Variants in PELI2 observed in about 807,000 individuals in gnomAD.
The protein encoded by PELI2 is E3 ubiquitin-protein ligase pellino homolog 2.
A neutral mutation model predicts 42.3 loss-of-function variants in PELI2; 23 were observed. The observed-to-expected ratio is 0.54, with a 90% CI of 0.39 to 0.77. The LOEUF (loss-of-function observed/expected upper bound fraction) is 0.77, where lower values mean the gene tolerates loss of function less well. Among genes scored for constraint, PELI2 ranks in the 30% least tolerant of loss-of-function variants. The pLI, the probability that PELI2 is intolerant of heterozygous loss-of-function variation, is 0.00. For synonymous variants in PELI2, 245 were observed against 212.2 expected (o/e 1.15, Z -1.34); for missense variants, 463 against 553.2 (o/e 0.84, Z 1.64).
chr14:56,191,574 A>C (rs1885949434), intron 2 of PELI2, among the ~76,000 whole-genome samples: 1 of 152,188 alleles, frequency 6.6e-6, no homozygotes, highest in Admixed American at 6.5e-5. Flanking sequence ...GTCTGCAGCC[A>C]GCTGCTGGAA....
In PELI2 at chr14:56,273,586, G is replaced by A. The variant is rs918008999; in HGVS notation, c.208-6090G>A. ...GAGAAAAAGTGAAATGTTACACATTGTTTTGCATTTGATTTTTGCCTTAAT... is the reference window on the plus strand; with the variant it reads ...GAGAAAAAGTGAAATGTTACACATTATTTTGCATTTGATTTTTGCCTTAAT... On this transcript the variant is annotated intron_variant, in intron 2 of 5. Coordinates refer to ENST00000267460, the MANE Select transcript of PELI2 (RefSeq NM_021255.3). This position sits in a 1 kb window ranked among gnomAD's most constrained non-coding sequence, Gnocchi z 4.3. Among the ~76,000 whole-genome samples the A allele has an allele frequency of 4.6e-5, 7 of 152,188 alleles. No homozygotes were observed. Among genetic ancestry groups the A allele is most frequent in the South Asian group, 2.1e-4 (1 of 4,834 alleles).
chr14:56,169,559 G>C (rs1441365618), intron 1 of PELI2, among the ~76,000 whole-genome samples: 1 of 152,210 alleles, frequency 6.6e-6, no homozygotes, highest in Non-Finnish European at 1.5e-5. Context: ...GCTGCTGCGT[G>C]GGGTGTGGAA....
intron 1 of PELI2, among the ~76,000 whole-genome samples, chr14:56,149,152 T>C (rs1884243087): frequency 6.6e-6 from 1 of 152,228 alleles, no homozygotes; most frequent in Non-Finnish European, 1.5e-5. Context: ...TTAGTATGTA[T>C]GGATCCTTCT....
intron 2 of PELI2, among the ~76,000 whole-genome samples, chr14:56,193,367 A>G (rs1886018784): frequency 6.6e-6 from 1 of 152,166 alleles, no homozygotes; most frequent in Non-Finnish European, 1.5e-5. Context: ...CTGATTTGAC[A>G]AGAATTTATT....
chr14:56,291,194 A>T (rs1477292099), intron 5 of PELI2, among the ~76,000 whole-genome samples: 1 of 152,242 alleles, frequency 6.6e-6, no homozygotes, highest in Non-Finnish European at 1.5e-5. Flanking sequence ...TTTGCTAGGT[A>T]GAAGCTAGAA....
intron 2 of PELI2, among the ~76,000 whole-genome samples, chr14:56,254,786 A>G (rs1017923347): frequency 4.7e-4 from 71 of 152,326 alleles, no homozygotes; most frequent in African/African-American, 1.7e-3. Context: ...AACTTAAACA[A>G]ATTTACAAGA....
intron 2 of PELI2, among the ~76,000 whole-genome samples, chr14:56,240,568 T>C (rs573623365): frequency 6.6e-6 from 1 of 152,258 alleles, no homozygotes; most frequent in South Asian, 2.1e-4. Context: ...GACTACTCTT[T>C]CAAGGAGTTT....
intron 2 of PELI2, among the ~76,000 whole-genome samples, chr14:56,266,440 G>A (rs1007799388): frequency 2.6e-5 from 4 of 151,688 alleles, no homozygotes; most frequent in Admixed American, 6.6e-5. Flanking sequence ...TTGAGCAAAG[G>A]GTATAAGCTG....
chr14:56,244,800 T>C (rs558242398), intron 2 of PELI2, among the ~76,000 whole-genome samples: 4 of 152,366 alleles, frequency 2.6e-5, no homozygotes, highest in African/African-American at 7.2e-5. Context: ...GGTCTTGATA[T>C]GAGTAAAGAC....
intron 2 of PELI2, among the ~76,000 whole-genome samples, chr14:56,231,981 C>A (rs1260799219): frequency 6.6e-6 from 1 of 152,202 alleles, no homozygotes; most frequent in African/African-American, 2.4e-5. Context: ...CTGTAAACAC[C>A]TCTATGCAAA....
At chr14:56,203,676 G>A (rs1886417839) in intron 2 of PELI2, among the ~76,000 whole-genome samples, 1 of 152,204 alleles carries the variant, frequency 6.6e-6, no homozygotes. Context: ...TTGAGTACCT[G>A]CTAAGTCTGC....
chr14:56,262,117 A>G (rs569610551), intron 2 of PELI2, among the ~76,000 whole-genome samples: 1 of 152,368 alleles, frequency 6.6e-6, no homozygotes, highest in South Asian at 2.1e-4. Context: ...TACTAGAAGC[A>G]GGGCAAGTGT....
chr14:56,183,118 A>T (rs374964026), intron 2 of PELI2, among the ~76,000 whole-genome samples: 4 of 152,312 alleles, frequency 2.6e-5, no homozygotes, highest in African/African-American at 9.6e-5. Flanking sequence ...TTTCATACTT[A>T]GAAGTTCAAT....
chr14:56,120,635 G>C (rs960874413), intron 1 of PELI2, among the ~76,000 whole-genome samples: 1 of 152,198 alleles, frequency 6.6e-6, no homozygotes, highest in African/African-American at 2.4e-5. Flanking sequence ...TGCCTGTGCT[G>C]TTTAGGCATT....
chr14:56,200,135 A>G (rs915304171), intron 2 of PELI2, among the ~76,000 whole-genome samples: 8 of 152,186 alleles, frequency 5.3e-5, no homozygotes, highest in Non-Finnish European at 1.2e-4. Flanking sequence ...GTCATAATTC[A>G]TTTTCAAATA....
chr14:56,272,220 A>G (rs1291625830), intron 2 of PELI2, among the ~76,000 whole-genome samples: 1 of 152,250 alleles, frequency 6.6e-6, no homozygotes, highest in African/African-American at 2.4e-5. Flanking sequence ...CGGGATGTCT[A>G]GACAAGAGGG....
At chr14:56,190,561 C>T (rs1401078355) in intron 2 of PELI2, among the ~76,000 whole-genome samples, 1 of 152,060 alleles carries the variant, frequency 6.6e-6, no homozygotes, top group Non-Finnish European at 1.5e-5. Context: ...ACAGATAACC[C>T]CCATCCTGAC....
At chr14:56,151,890 T>A (rs1884373254) in intron 1 of PELI2, among the ~76,000 whole-genome samples, 1 of 152,166 alleles carries the variant, frequency 6.6e-6, no homozygotes. Flanking sequence ...AGTCTTATAG[T>A]TGAAATTTAG....
chr14:56,255,359 C>T (rs1888490582), intron 2 of PELI2, among the ~76,000 whole-genome samples: 1 of 152,122 alleles, frequency 6.6e-6, no homozygotes, highest in Non-Finnish European at 1.5e-5. Flanking sequence ...AGCTGGAAAC[C>T]ATCATTCTCA....
Sources: allele counts gnomAD v4.1 joint callset (sites outside exome capture counted in the v4.1 genomes callset), GRCh38; gene constraint gnomAD v4.1.1; non-coding constraint Gnocchi (gnomAD v3.1); transcripts MANE v1.5; gene names NCBI Gene and HGNC (gene_info 2026-07-23, HGNC 2026-07-21).